The following LMF1 variants were observed in gnomAD, a reference collection of about 807,000 sequenced individuals.
LMF1 encodes transmembrane protein 112.
A neutral mutation model predicts 60.6 loss-of-function variants in LMF1; 68 were observed. That is an observed-to-expected ratio of 1.12 (90% CI 0.92 to 1.37). The LOEUF is 1.37. Ranked by LOEUF, LMF1 falls within the 40% of genes most tolerant of loss-of-function variation. The pLI, the probability that LMF1 is intolerant of heterozygous loss-of-function variation, is 0.00. For missense variants in LMF1, 948 were observed against 767.2 expected (o/e 1.24, Z -2.78); for synonymous variants, 418 against 324.7 (o/e 1.29, Z -3.09).
At chr16:914,974 C>T (rs2071239026) in intron 3 of LMF1, among the ~76,000 whole-genome samples, 2 of 152,374 alleles carry the variant, frequency 1.3e-5, no homozygotes, top group South Asian at 4.1e-4. Context: ...AGCCCTAAAT[C>T]GGCGTCTCTA....
rs114354808 is a variant in LMF1, at chr16:869,870, G to T, written c.1416+13C>A. On this transcript the variant is annotated intron_variant, in intron 9 of 10. Coordinates refer to ENST00000262301, the MANE Select transcript of LMF1 (RefSeq NM_022773.4). ...CAGGCAGGTCCATGCGCCCGCCAGGGACCGTCCCCCACCTGGAAGGCCGCG... is the reference window on the plus strand; with the variant it reads ...CAGGCAGGTCCATGCGCCCGCCAGGTACCGTCCCCCACCTGGAAGGCCGCG... 1.2e-6 allele frequency: 2 copies of T among 1,608,188 alleles called. No individual in the cohort carries two copies. The highest frequency in any genetic ancestry group is 2.7e-5 in the African/African-American group (2 of 74,882).
chr16:912,219 CAG>C (rs959541914), intron 3 of LMF1, among the ~76,000 whole-genome samples: 5 of 151,790 alleles, frequency 3.3e-5, no homozygotes, highest in Admixed American at 2.0e-4. Flanking sequence ...GGGATGCAGA[CAG>C]AGACTCGCAG....
intron 10 of LMF1, among the ~76,000 whole-genome samples, chr16:857,111 G>A (rs74001079): frequency 0.027 from 4,062 of 152,336 alleles, 155 homozygotes; most frequent in African/African-American, 0.085. Flanking sequence ...CTTCCTCCTC[G>A]TCGCTGACCG....
chr16:870,686 C>T (rs1467754303), intron 8 of LMF1, 43 bp downstream of exon 8: 90 of 1,606,772 alleles, frequency 5.6e-5, no homozygotes, highest in Non-Finnish European at 7.6e-5. Context: ...GCTGAGTCTC[C>T]CCATATACCC....
rs1365499814 is a variant in LMF1, at chr16:874,888, C to T, written c.898-3547G>A. Reference sequence around the variant, plus strand: ...AGAGGGCGCGGGTCACTCTCAGCCCCACACCATATCATCCCCCAGACACCC... The same window carrying T: ...AGAGGGCGCGGGTCACTCTCAGCCCTACACCATATCATCCCCCAGACACCC... On this transcript the variant is annotated intron_variant, in intron 6 of 10. Coordinates refer to ENST00000262301, the MANE Select transcript of LMF1 (RefSeq NM_022773.4). The surrounding 1 kb of genome is among the most constrained non-coding windows in gnomAD (Gnocchi z 4.1). Among the ~76,000 whole-genome samples the T allele has an allele frequency of 6.6e-6, 1 of 152,160 alleles. No individual in the cohort carries two copies. Among genetic ancestry groups the T allele is most frequent in the African/African-American group, 2.4e-5 (1 of 41,422 alleles).
chr16:870,891 G>A lies in LMF1; in HGVS notation c.1079-9C>T, dbSNP rs773305677. On this transcript the variant is annotated splice_polypyrimidine_tract_variant and intron_variant, in intron 7 of 10. Coordinates refer to ENST00000262301, the MANE Select transcript of LMF1 (RefSeq NM_022773.4). Reference sequence around the variant, plus strand: ...ACGCCGCACCACGGAGCCTGGCAGGGGAGTGACATCTTCCAGGTGGGGCTC... The same window carrying A: ...ACGCCGCACCACGGAGCCTGGCAGGAGAGTGACATCTTCCAGGTGGGGCTC... The A allele has an allele frequency of 1.4e-5, 23 of 1,600,096 alleles. No homozygotes were observed. The highest frequency in any genetic ancestry group is 1.9e-5 in the Non-Finnish European group (22 of 1,176,706).
At chr16:919,154 G>A (rs946741201) in intron 3 of LMF1, among the ~76,000 whole-genome samples, 1 of 152,072 alleles carries the variant, frequency 6.6e-6, no homozygotes, top group East Asian at 1.9e-4. Context: ...TTTCACTCGC[G>A]GCTTTTCCAG....
chr16:931,664 T>G (rs981109934), intron 3 of LMF1: 2 of 1,287,170 alleles, frequency 1.6e-6, no homozygotes. Context: ...CAGCTCTATG[T>G]TCTCCAAGAT....
rs1249203668 is a variant in LMF1, at chr16:854,161, C to CT, written c.*370dup. On this transcript the variant is annotated 3_prime_UTR_variant, in exon 11 of 11. Coordinates refer to ENST00000262301, the MANE Select transcript of LMF1 (RefSeq NM_022773.4). ...CCTGGGACGCTAGAGACCCCAAGAG[C>CT]TACCTGGCTGGGTCTATGGTCAGGG... is the stretch of plus-strand genomic sequence containing the variant. 2.5e-5 allele frequency: 12 copies of CT among 488,692 alleles called. No individual in the cohort carries two copies. The highest frequency in any genetic ancestry group is 2.8e-5 in the Non-Finnish European group (7 of 250,342). 30.3% of individuals were successfully genotyped at this position (488,692 alleles called of 1,614,324 possible). A position where few individuals can be genotyped will look rare whatever the true frequency, so the allele number is the denominator to read the frequency against.
intron 4 of LMF1, among the ~76,000 whole-genome samples, chr16:909,965 C>A (rs977841440): frequency 6.6e-6 from 1 of 152,206 alleles, no homozygotes; most frequent in African/African-American, 2.4e-5. Flanking sequence ...ACGTCTTCAG[C>A]GAATCCTCCA....
At chr16:967,492 C>A (rs182022485) in intron 1 of LMF1, among the ~76,000 whole-genome samples, 291 of 152,344 alleles carry the variant, frequency 1.9e-3, no homozygotes, top group African/African-American at 6.7e-3. Flanking sequence ...GAGGCACCGG[C>A]ACCCATGGGC....
intron 5 of LMF1, among the ~76,000 whole-genome samples, chr16:884,454 A>G (rs1239786396): frequency 6.6e-6 from 1 of 152,126 alleles, no homozygotes; most frequent in East Asian, 1.9e-4. Context: ...ATACCCAACA[A>G]CAATCTCTTT....
intron 3 of LMF1, among the ~76,000 whole-genome samples, chr16:927,728 T>C (rs896894904): frequency 3.9e-5 from 6 of 152,166 alleles, no homozygotes; most frequent in African/African-American, 1.4e-4. Context: ...CCAGCACTAA[T>C]AGGGCTTAAT....
At chr16:932,421 G>A (rs1298243734) in intron 3 of LMF1, among the ~76,000 whole-genome samples, 2 of 152,260 alleles carry the variant, frequency 1.3e-5, no homozygotes, top group East Asian at 1.9e-4. Context: ...CCTCTGACCC[G>A]CGCACTGGGC....
intron 1 of LMF1, among the ~76,000 whole-genome samples, chr16:956,221 G>A (rs188439289): frequency 1.4e-3 from 205 of 149,588 alleles, no homozygotes; most frequent in Non-Finnish European, 2.0e-3. Context: ...CACGTCCCAC[G>A]GCGCCCACCC....
intron 2 of LMF1, among the ~76,000 whole-genome samples, chr16:941,179 A>AT (rs2072091851): frequency 6.6e-6 from 1 of 151,994 alleles, no homozygotes; most frequent in Non-Finnish European, 1.5e-5. Flanking sequence ...GTACCTTTAT[A>AT]TTTAAAGCAT....
chr16:950,198 A>G (rs1363323378), intron 2 of LMF1, among the ~76,000 whole-genome samples: 1 of 102,476 alleles, frequency 9.8e-6, no homozygotes, highest in Non-Finnish European at 1.9e-5. Flanking sequence ...CGACAGAGTC[A>G]GCCAATGACA....
chr16:919,792 G>C (rs562945999), intron 3 of LMF1, among the ~76,000 whole-genome samples: 37 of 152,198 alleles, frequency 2.4e-4, no homozygotes, highest in Non-Finnish European at 3.5e-4. Flanking sequence ...CCTGGGAGGA[G>C]CCTCACGGAG....
At chr16:917,839 G>A (rs1184961796) in intron 3 of LMF1, among the ~76,000 whole-genome samples, 2 of 152,222 alleles carry the variant, frequency 1.3e-5, no homozygotes, top group Non-Finnish European at 2.9e-5. Flanking sequence ...TGTCTGGAGT[G>A]GACTGCAGCT....
Sources: gnomAD v4.1 joint callset for allele counts (sites outside exome capture counted in the v4.1 genomes callset) on GRCh38, gnomAD v4.1.1 for gene constraint, Gnocchi (gnomAD v3.1) non-coding constraint, MANE v1.5 for transcripts, NCBI Gene and HGNC (gene_info 2026-07-23, HGNC 2026-07-21) for gene names.